USP10: variants seen among roughly 807,000 people sequenced by gnomAD.
The protein encoded by USP10 is ubiquitin carboxyl-terminal hydrolase 10.
A neutral mutation model predicts 84.5 loss-of-function variants in USP10; 22 were observed. That is an observed-to-expected ratio of 0.26 (90% CI 0.19 to 0.37). The LOEUF is 0.37. USP10 is among the 10% of genes least tolerant of loss of function. USP10 has a pLI of 1.00. For synonymous variants in USP10, 454 were observed against 387.6 expected (o/e 1.17, Z -2.01); for missense variants, 1,019 against 998.9 (o/e 1.02, Z -0.27).
At position 84,763,104 on chromosome 16, in the gene USP10, C is replaced by G. The variant is rs1457103410; in HGVS notation, c.1654+16C>G. 1.3e-6 allele frequency: 2 copies of G among 1,568,330 alleles called. No homozygotes were observed. The highest frequency in any genetic ancestry group is 1.1e-5 in the South Asian group (1 of 89,564). ...AGTAATGAAAGTAGGTTATGGTCCA[C>G]TTGCCGCAGAGTTGTGCAAGAGTTC... is the stretch of plus-strand genomic sequence containing the variant. On this transcript the variant is annotated intron_variant, in intron 9 of 13. Transcript: ENST00000219473.
chr16:84,768,747 C>G (rs1914123383), intron 11 of USP10, among the ~76,000 whole-genome samples: 1 of 152,196 alleles, frequency 6.6e-6, no homozygotes, highest in Admixed American at 6.5e-5. Context: ...AGATTCCAGA[C>G]ACATCTGTTT....
intron 13 of USP10, among the ~76,000 whole-genome samples, chr16:84,777,496 G>C (rs1192210604): frequency 6.6e-6 from 1 of 152,196 alleles, no homozygotes; most frequent in African/African-American, 2.4e-5. Flanking sequence ...AGATGGCTGT[G>C]ACTTGTGCAG....
At chr16:84,763,425 T>C (rs1015047189) in intron 9 of USP10, among the ~76,000 whole-genome samples, 1 of 152,220 alleles carries the variant, frequency 6.6e-6, no homozygotes, top group African/African-American at 2.4e-5. Context: ...TATATATATG[T>C]CTTATCTGTC....
At chr16:84,774,215 C>T (rs1471321505) in intron 12 of USP10, among the ~76,000 whole-genome samples, 1 of 151,784 alleles carries the variant, frequency 6.6e-6, no homozygotes, top group Non-Finnish European at 1.5e-5. Context: ...TGCACTCCAG[C>T]CTGGGCAACA....
At chr16:84,735,322 T>C (rs567155662) in intron 2 of USP10, among the ~76,000 whole-genome samples, 6 of 152,238 alleles carry the variant, frequency 3.9e-5, no homozygotes, top group African/African-American at 1.2e-4. Flanking sequence ...CTACAGGTTT[T>C]CTCAAGTGTG....
intron 2 of USP10, among the ~76,000 whole-genome samples, chr16:84,734,129 A>G (rs1909594720): frequency 6.6e-6 from 1 of 152,174 alleles, no homozygotes; most frequent in Non-Finnish European, 1.5e-5. Context: ...CCTCCGGGAC[A>G]CAGACCTGGG....
chr16:84,724,913 A>C (rs1351379665), intron 1 of USP10, among the ~76,000 whole-genome samples: 1 of 152,172 alleles, frequency 6.6e-6, no homozygotes, highest in Admixed American at 6.5e-5. Flanking sequence ...GCACACAATG[A>C]TTGTTCAGTA....
intron 4 of USP10, among the ~76,000 whole-genome samples, chr16:84,749,100 A>T (rs566802577): frequency 6.6e-6 from 1 of 152,344 alleles, no homozygotes; most frequent in South Asian, 2.1e-4. Flanking sequence ...AGAGCAATAG[A>T]GTCACATTGA....
chr16:84,701,325 C>G (rs1421307505), intron 1 of USP10, among the ~76,000 whole-genome samples: 4 of 152,180 alleles, frequency 2.6e-5, no homozygotes, highest in African/African-American at 9.7e-5. Context: ...GAATTTCCCC[C>G]TTTAACGTTT....
rs199959868 is a variant in USP10, at chr16:84,772,565, C to G, written c.2023C>G (p.Leu675Val). ...QEVEISRRVT[L>V]EKLPPVLVLH... ...GGTTGAGATAAGTCGAAGAGTGACT[C>G]TGGAAAAACTCCCTCCTGTCCTCGT... is the stretch of plus-strand genomic sequence containing the variant. Residue 675 changes from leucine to valine, a missense_variant, in exon 12 of 14, where the codon CTG becomes GTG. Leu to Val is a conservative substitution (Grantham distance 32). Around this residue, in one of 2 missense-constraint regions of USP10, gnomAD observed 232 missense variants for 290.1 expected, o/e 0.80. Transcript: ENST00000219473. 92 of 1,613,784 alleles carry G rather than the reference C, an allele frequency of 5.7e-5. No homozygotes were observed. Among genetic ancestry groups the G allele is most frequent in the Admixed American group, 2.2e-4 (13 of 59,980 alleles).
chr16:84,704,701 G>T (rs978573259), intron 1 of USP10: 24 of 1,485,116 alleles, frequency 1.6e-5, no homozygotes, highest in Non-Finnish European at 1.8e-5. Context: ...TCAGATCCTA[G>T]ATTTTTTCTG....
At chr16:84,704,044 T>C (rs1448315161) in intron 1 of USP10, among the ~76,000 whole-genome samples, 3 of 152,258 alleles carry the variant, frequency 2.0e-5, no homozygotes, top group Admixed American at 2.0e-4. Context: ...TGCTGTTTAA[T>C]GCCAAGCCTA....
intron 1 of USP10, among the ~76,000 whole-genome samples, chr16:84,720,078 A>G (rs1185901687): frequency 1.3e-5 from 2 of 152,200 alleles, no homozygotes; most frequent in Admixed American, 6.5e-5. Flanking sequence ...AGAGGAGTCT[A>G]TTTACCAGCT....
chr16:84,759,814 C>A, intron 6 of USP10, 77 bp from the exon 7 acceptor site: 1 of 1,410,290 alleles, frequency 7.1e-7, no homozygotes, highest in Non-Finnish European at 1.0e-6. Flanking sequence ...TGATATTCTA[C>A]TTAGCCATCA....
intron 1 of USP10, among the ~76,000 whole-genome samples, chr16:84,721,948 G>A (rs932205549): frequency 6.6e-6 from 1 of 152,152 alleles, no homozygotes; most frequent in East Asian, 1.9e-4. Flanking sequence ...TCTCACCTTG[G>A]CCTCCCAAAG....
intron 2 of USP10, among the ~76,000 whole-genome samples, chr16:84,738,701 T>G (rs138131774): frequency 1.1e-4 from 16 of 152,366 alleles, no homozygotes; most frequent in Non-Finnish European, 2.1e-4. Flanking sequence ...CCTGAAGGTG[T>G]TGGCTTCTTT....
chr16:84,728,519 T>A (rs1908807386), intron 1 of USP10, among the ~76,000 whole-genome samples: 1 of 152,104 alleles, frequency 6.6e-6, no homozygotes, highest in Non-Finnish European at 1.5e-5. Context: ...TTTGTATTTT[T>A]AATAGAGACG....
chr16:84,779,320 C>CA lies in USP10; in HGVS notation c.*243dup, dbSNP rs34969868. 0.012 allele frequency: 4,750 copies of CA among 388,140 alleles called. 236 individuals are homozygous for CA. Among genetic ancestry groups the CA allele is most frequent in the African/African-American group, 0.091 (4,377 of 48,330 alleles). The allele number at this position is 388,140 out of a possible 1,614,324, so 24.0% of individuals were successfully genotyped here. On this transcript the variant is annotated 3_prime_UTR_variant, in exon 14 of 14. Coordinates refer to ENST00000219473, the MANE Select transcript of USP10 (RefSeq NM_005153.3). The stretch of plus-strand genomic sequence containing the variant: ...CTGTTGCTTGATTTTAGAAAATACA[C>CA]AAAAACCCATATTTCTGAAATAATG...
chr16:84,740,379 T>C lies in USP10; in HGVS notation c.151+10T>C. ...GATAAACTACCTGATGGTAAGCTAG[T>C]TCTCTCCTTATTTCCCTGAAGGGAA... On this transcript the variant is annotated intron_variant, in intron 3 of 13. Coordinates refer to ENST00000219473, the MANE Select transcript of USP10 (RefSeq NM_005153.3). The C allele has an allele frequency of 6.2e-7, 1 of 1,611,100 alleles. No individual in the cohort carries two copies. The highest frequency in any genetic ancestry group is 8.5e-7 in the Non-Finnish European group (1 of 1,177,934).
Sources: allele counts gnomAD v4.1 joint callset (sites outside exome capture counted in the v4.1 genomes callset), GRCh38; gene constraint gnomAD v4.1.1; regional missense constraint gnomAD v4.1.1; transcripts MANE v1.5; gene names NCBI Gene and HGNC (gene_info 2026-07-23, HGNC 2026-07-21).